The following AGBL4 variants were observed in gnomAD, a reference collection of about 807,000 sequenced individuals.
AGBL4 encodes cytosolic carboxypeptidase 6.
Under a neutral mutation model 66.4 loss-of-function variants are expected in AGBL4, and 58 were observed. The ratio of observed to expected loss-of-function variants is 0.87; its 90% CI spans 0.71 to 1.09. AGBL4 has a LOEUF of 1.09. Among genes scored for constraint, AGBL4 ranks in the 50% least tolerant of loss-of-function variants. The probability of loss-of-function intolerance (pLI) is 0.00; values close to 1 mark genes in which losing one functional copy is unlikely to be tolerated. For missense variants in AGBL4, 579 were observed against 631.0 expected (o/e 0.92, Z 0.88); for synonymous variants, 234 against 222.9 (o/e 1.05, Z -0.44).
At chr1:48,690,912 C>G (rs1646619561) in intron 6 of AGBL4, among the ~76,000 whole-genome samples, 1 of 152,054 alleles carries the variant, frequency 6.6e-6, no homozygotes, top group Non-Finnish European at 1.5e-5. Flanking sequence ...CGCCTGTAAT[C>G]CCAGCACTTT....
chr1:48,591,074 C>T lies in AGBL4; in HGVS notation c.952-89G>A, dbSNP rs1184165408. The T allele has an allele frequency of 3.0e-6, 3 of 992,806 alleles. No individual in the cohort carries two copies. The Admixed American group carries it at 8.5e-5, about 28-fold the overall frequency. 61.5% of individuals were successfully genotyped at this position (992,806 alleles called of 1,614,324 possible). ...ACACTACACTACACACACACACCCC[C>T]CACACACACCCACCCACCCCCCCCC... On this transcript the variant is annotated intron_variant, in intron 9 of 13. Coordinates refer to ENST00000371839, the MANE Select transcript of AGBL4 (RefSeq NM_032785.4).
chr1:49,487,807 G>A (rs539130498), intron 3 of AGBL4, among the ~76,000 whole-genome samples: 10 of 151,940 alleles, frequency 6.6e-5, no homozygotes, highest in Non-Finnish European at 1.0e-4. Flanking sequence ...GTGGCATCAG[G>A]CAGCTAGTAA....
chr1:49,119,003 C>A (rs2148039121), intron 4 of AGBL4, among the ~76,000 whole-genome samples: 1 of 152,290 alleles, frequency 6.6e-6, no homozygotes. Flanking sequence ...TTATAGTAAT[C>A]TATGATAGGA....
chr1:49,875,403 G>A (rs1402619895), intron 1 of AGBL4, among the ~76,000 whole-genome samples: 216 of 135,852 alleles, frequency 1.6e-3, no homozygotes, highest in African/African-American at 5.2e-3. Context: ...GAGAATATGC[G>A]GTGTTTGGTT....
chr1:48,736,564 A>C lies in AGBL4; in HGVS notation c.635-73323T>G. 1 of 928,402 alleles carries C rather than the reference A, an allele frequency of 1.1e-6. No homozygotes were observed. Among genetic ancestry groups the C allele is most frequent in the Non-Finnish European group, 1.7e-6 (1 of 600,236 alleles). 57.5% of individuals were successfully genotyped at this position (928,402 alleles called of 1,614,324 possible). A position where few individuals can be genotyped will look rare whatever the true frequency, so the allele number is the denominator to read the frequency against. ...ACAACTGTAAGAGATTCATGTCATA[A>C]ATATGAAATTAACTCTCTTTAAGGG... On this transcript the variant is annotated intron_variant, in intron 6 of 13. Coordinates refer to ENST00000371839, the MANE Select transcript of AGBL4 (RefSeq NM_032785.4). The surrounding 1 kb of genome is among the most constrained non-coding windows in gnomAD (Gnocchi z 4.0).
chr1:48,598,926 G>A lies in AGBL4; in HGVS notation c.952-7941C>T, dbSNP rs142491554. On this transcript the variant is annotated intron_variant, in intron 9 of 13. Transcript: ENST00000371839. The stretch of plus-strand genomic sequence containing the variant: ...TAAAACACAAACACATTATACAGCT[G>A]CACAAAAATATTTTCTTCCTTTATT... 1.1e-3 allele frequency among the ~76,000 whole-genome samples: 166 copies of A among 152,054 alleles called. 1 individual carries two copies. Among genetic ancestry groups the A allele is most frequent in the African/African-American group, 3.9e-3 (162 of 41,500 alleles).
In AGBL4 at chr1:49,472,146, C is replaced by T. The variant is rs868765616; in HGVS notation, c.282+225167G>A. ...GTCAAGTGAGGAACTTGTAATTCTA[C>T]TCCCATCTGCAATAAGGTGGCAACA... On this transcript the variant is annotated intron_variant, in intron 3 of 13. Coordinates refer to ENST00000371839, the MANE Select transcript of AGBL4 (RefSeq NM_032785.4). The T allele has an allele frequency of 4.6e-5, 7 of 152,062 alleles. 1 individual carries two copies. The highest frequency in any genetic ancestry group is 4.6e-4 in the Admixed American group (7 of 15,260). The allele number at this position is 152,062 out of a possible 1,614,324, so 9.4% of individuals were successfully genotyped here.
rs71059563 is a variant in AGBL4 at position 49,887,177 on chromosome 1, G to GTA, written c.35-35661_35-35660dup. On this transcript the variant is annotated intron_variant, in intron 1 of 13. Coordinates refer to ENST00000371839, the MANE Select transcript of AGBL4 (RefSeq NM_032785.4). ...TACATTGTGTGTATATATATACATT[G>GTA]TATATATATATATGTGTATGTATAT... Among the ~76,000 whole-genome samples the GTA allele has an allele frequency of 4.8e-3, 688 of 144,594 alleles. 18 individuals carry two copies. The highest frequency in any genetic ancestry group is 0.038 in the East Asian group (186 of 4,934). The allele number at this position is 144,594 out of a possible 152,430, so 94.9% of individuals were successfully genotyped here. A position where few individuals can be genotyped will look rare whatever the true frequency, so the allele number is the denominator to read the frequency against.
rs370110445 is a variant in AGBL4 at position 49,377,463 on chromosome 1, T to C, written c.283-131599A>G. ...AAGCAAAGATTCAAATCTATGACTG[T>C]CTGGCTTTAAGTATAGTGCTCTTTT... On this transcript the variant is annotated intron_variant, in intron 3 of 13. Transcript: ENST00000371839. Among the ~76,000 whole-genome samples, 15 of 152,258 alleles carry C rather than the reference T, an allele frequency of 9.9e-5. No homozygotes were observed. In the East Asian group the frequency reaches 2.1e-3, roughly 22 times the overall value.
chr1:49,788,761 C>T (rs1340054300), intron 2 of AGBL4, among the ~76,000 whole-genome samples: 2 of 152,102 alleles, frequency 1.3e-5, no homozygotes, highest in Non-Finnish European at 2.9e-5. Flanking sequence ...GCTTCGTGGA[C>T]GCATGGGAAA....
rs71572681 is a variant in AGBL4 at position 49,371,288 on chromosome 1, C to CAT, written c.283-125425_283-125424insAT. On this transcript the variant is annotated intron_variant, in intron 3 of 13. Coordinates refer to ENST00000371839, the MANE Select transcript of AGBL4 (RefSeq NM_032785.4). The stretch of plus-strand genomic sequence containing the variant: ...ACATACATACATACATACATACATA[C>CAT]ACACACACACATCCTTTTGGCTGTT... 3.9e-3 allele frequency among the ~76,000 whole-genome samples: 584 copies of CAT among 151,432 alleles called. 4 individuals are homozygous for CAT. Among genetic ancestry groups the CAT allele is most frequent in the Non-Finnish European group, 3.1e-3 (210 of 67,854 alleles).
At chr1:49,065,424 T>C (rs1289135496) in intron 4 of AGBL4, among the ~76,000 whole-genome samples, 3 of 152,188 alleles carry the variant, frequency 2.0e-5, no homozygotes, top group African/African-American at 4.8e-5. Context: ...GTATAGCTTA[T>C]GTGAAGGAGC....
chr1:49,224,360 G>A (rs989980743), intron 4 of AGBL4, among the ~76,000 whole-genome samples: 1 of 152,148 alleles, frequency 6.6e-6, no homozygotes, highest in South Asian at 2.1e-4. Context: ...ACTTATGCCT[G>A]TAATCCCAGC....
At chr1:48,800,547 G>A in intron 6 of AGBL4, among the ~76,000 whole-genome samples, 1 of 152,042 alleles carries the variant, frequency 6.6e-6, no homozygotes, top group Admixed American at 6.5e-5. Context: ...CATTTGGTTT[G>A]TTCTTGTTTC....
chr1:49,534,991 C>T (rs1651455453), intron 3 of AGBL4, among the ~76,000 whole-genome samples: 1 of 152,204 alleles, frequency 6.6e-6, no homozygotes, highest in Non-Finnish European at 1.5e-5. Flanking sequence ...CCAGGCTGCA[C>T]AGCTCTTGGC....
chr1:49,181,630 A>T (rs1369881165), intron 4 of AGBL4, among the ~76,000 whole-genome samples: 1 of 152,226 alleles, frequency 6.6e-6, no homozygotes, highest in East Asian at 1.9e-4. Context: ...TAAAATTTTC[A>T]TGTGCTGCCT....
chr1:49,995,561 T>C (rs1488620132), intron 1 of AGBL4: 4 of 297,986 alleles, frequency 1.3e-5, no homozygotes, highest in Non-Finnish European at 2.7e-5. Context: ...TCTCTCTACC[T>C]GCCCTGGTAG....
intron 3 of AGBL4, among the ~76,000 whole-genome samples, chr1:49,387,166 T>C: frequency 6.6e-6 from 1 of 151,948 alleles, no homozygotes; most frequent in Non-Finnish European, 1.5e-5. Flanking sequence ...TTCAGTTTTC[T>C]TGTGTATAAA....
chr1:48,950,741 C>A lies in AGBL4; in HGVS notation c.595-83511G>T, dbSNP rs571128097. ...CCAGCTCCCTTTTCTGGTCTCCTGGCCAGGCCATACCAACCATGCCCACAT... is the reference window on the plus strand; with the variant it reads ...CCAGCTCCCTTTTCTGGTCTCCTGGACAGGCCATACCAACCATGCCCACAT... On this transcript the variant is annotated intron_variant, in intron 5 of 13. Coordinates refer to ENST00000371839, the MANE Select transcript of AGBL4 (RefSeq NM_032785.4). Among the ~76,000 whole-genome samples the A allele has an allele frequency of 1.6e-4, 25 of 152,254 alleles. No homozygotes were observed. In the South Asian group the frequency reaches 3.5e-3, roughly 21 times the overall value.
Sources: allele counts gnomAD v4.1 joint callset (sites outside exome capture counted in the v4.1 genomes callset), GRCh38; gene constraint gnomAD v4.1.1; non-coding constraint Gnocchi (gnomAD v3.1); transcripts MANE v1.5; gene names NCBI Gene and HGNC (gene_info 2026-07-23, HGNC 2026-07-21).